PRICKLE1: variants seen among roughly 807,000 people sequenced by gnomAD.
PRICKLE1 encodes prickle-like protein 1.
A neutral mutation model predicts 70.2 loss-of-function variants in PRICKLE1; 14 were observed. The ratio of observed to expected loss-of-function variants is 0.20; its 90% confidence interval spans 0.13 to 0.31. PRICKLE1 has a LOEUF of 0.31. PRICKLE1 is among the 10% of genes least tolerant of loss of function. PRICKLE1 has a pLI of 1.00. For synonymous variants in PRICKLE1, 357 were observed against 379.9 expected (o/e 0.94, Z 0.70); for missense variants, 821 against 1,026.2 (o/e 0.80, Z 2.73).
At chr12:42,472,255 G>T in intron 2 of PRICKLE1, 130 bp downstream of exon 2, 2 of 1,056,248 alleles carry the variant, frequency 1.9e-6, no homozygotes, top group Non-Finnish European at 2.8e-6. Flanking sequence ...GCCATACAAA[G>T]AAGAATAAGG....
intron 1 of PRICKLE1, among the ~76,000 whole-genome samples, chr12:42,514,542 T>C (rs1450794865): frequency 6.6e-6 from 1 of 152,198 alleles, no homozygotes; most frequent in Non-Finnish European, 1.5e-5. Context: ...CTTGGGAAAC[T>C]CAAAGGCTGA....
chr12:42,477,955 C>CTT (rs35905569), intron 1 of PRICKLE1, among the ~76,000 whole-genome samples: 4 of 133,134 alleles, frequency 3.0e-5, no homozygotes, highest in Non-Finnish European at 3.3e-5. Flanking sequence ...CTGCCCTATA[C>CTT]TTTTTTTTTT....
At chr12:42,534,188 G>C (rs950445851) in intron 1 of PRICKLE1, among the ~76,000 whole-genome samples, 11 of 152,190 alleles carry the variant, frequency 7.2e-5, no homozygotes, top group African/African-American at 9.6e-5. Flanking sequence ...GAAAAGAGCA[G>C]ATCCGGATGC....
intron 1 of PRICKLE1, among the ~76,000 whole-genome samples, chr12:42,490,826 A>G (rs1476293362): frequency 6.6e-6 from 1 of 152,118 alleles, no homozygotes; most frequent in Non-Finnish European, 1.5e-5. Flanking sequence ...CCCATGGGAG[A>G]CACAGTAACT....
intron 1 of PRICKLE1, among the ~76,000 whole-genome samples, chr12:42,495,278 C>T (rs1316307201): frequency 6.7e-6 from 1 of 149,948 alleles, no homozygotes; most frequent in African/African-American, 2.5e-5. Context: ...CCCAGCTACT[C>T]GGGAGGCTGA....
At chr12:42,500,984 T>C (rs1939296183) in intron 1 of PRICKLE1, among the ~76,000 whole-genome samples, 2 of 152,256 alleles carry the variant, frequency 1.3e-5, no homozygotes, top group South Asian at 4.1e-4. Flanking sequence ...ACTTATCAGC[T>C]TTTCTTTCAA....
chr12:42,551,234 C>T (rs190069429), intron 1 of PRICKLE1, among the ~76,000 whole-genome samples: 1 of 152,278 alleles, frequency 6.6e-6, no homozygotes, highest in Non-Finnish European at 1.5e-5. Context: ...TATAATTGTA[C>T]AGATGGTTGT....
chr12:42,509,623 T>A (rs1034809809), intron 1 of PRICKLE1, among the ~76,000 whole-genome samples: 2 of 152,162 alleles, frequency 1.3e-5, no homozygotes, highest in South Asian at 4.1e-4. Context: ...GTTGAGTACC[T>A]GAATGACTGA....
rs538723603 is a variant in PRICKLE1, at chr12:42,552,586, C to CA, written c.-49+36878dup. Among the ~76,000 whole-genome samples, 803 of 152,302 alleles carry CA rather than the reference C, an allele frequency of 5.3e-3. 4 individuals are homozygous for CA. The highest frequency in any genetic ancestry group is 8.8e-3 in the Non-Finnish European group (599 of 68,028). ...TTAGCAATAAAGTCTCAGGAATCAC[C>CA]AATGGGGGTCCCATCGTCAGAAGGA... On this transcript the variant is annotated intron_variant, in intron 1 of 7. Transcript: ENST00000345127.
intron 1 of PRICKLE1, among the ~76,000 whole-genome samples, chr12:42,548,874 A>G (rs985167541): frequency 4.6e-5 from 7 of 152,050 alleles, no homozygotes; most frequent in African/African-American, 1.7e-4. Flanking sequence ...TAATCCCAGC[A>G]CTCTGGGAGG....
chr12:42,548,290 A>G (rs897137929), intron 1 of PRICKLE1, among the ~76,000 whole-genome samples: 3 of 152,198 alleles, frequency 2.0e-5, no homozygotes, highest in Non-Finnish European at 2.9e-5. Flanking sequence ...AAAGTTTCAG[A>G]TTTTGGAGCA....
intron 1 of PRICKLE1, among the ~76,000 whole-genome samples, chr12:42,530,142 C>T (rs1029757525): frequency 2.0e-5 from 3 of 152,044 alleles, no homozygotes; most frequent in Admixed American, 2.0e-4. Context: ...CGGGGTTTCA[C>T]CATGTTGGCC....
chr12:42,499,922 A>AT (rs1223148659), intron 1 of PRICKLE1, among the ~76,000 whole-genome samples: 3 of 135,800 alleles, frequency 2.2e-5, no homozygotes, highest in African/African-American at 5.5e-5. Context: ...TCTTATTTTT[A>AT]TTTTTTTTAG....
intron 1 of PRICKLE1, among the ~76,000 whole-genome samples, chr12:42,560,136 T>TG (rs1940485664): frequency 6.8e-6 from 1 of 146,870 alleles, no homozygotes; most frequent in South Asian, 2.2e-4. Context: ...TTATTATTAT[T>TG]ATTATTATTA....
At chr12:42,519,845 T>C (rs1000023848) in intron 1 of PRICKLE1, among the ~76,000 whole-genome samples, 2 of 152,182 alleles carry the variant, frequency 1.3e-5, no homozygotes, top group African/African-American at 4.8e-5. Flanking sequence ...TCTCATTCTG[T>C]AGCCCAGGCT....
intron 1 of PRICKLE1, among the ~76,000 whole-genome samples, chr12:42,528,375 G>A (rs563407729): frequency 2.8e-4 from 43 of 152,098 alleles, no homozygotes; most frequent in African/African-American, 9.2e-4. Context: ...AGCCCAGCCC[G>A]AAAAACTAAC....
chr12:42,459,430 C>CATAATA lies in PRICKLE1; in HGVS notation c.*378_*379insTATTAT. On this transcript the variant is annotated 3_prime_UTR_variant, in exon 8 of 8. Transcript: ENST00000345127. The stretch of plus-strand genomic sequence containing the variant: ...TCAAGACCTGAGCCGACCTGACTTA[C>CATAATA]ATAAATGACAAACACTAGTGCTTTA... 1.4e-6 allele frequency: 1 copy of CATAATA among 694,646 alleles called. No individual in the cohort carries two copies. The highest frequency in any genetic ancestry group is 1.5e-5 in the South Asian group (1 of 66,364). 43.0% of individuals were successfully genotyped at this position (694,646 alleles called of 1,614,324 possible).
chr12:42,584,062 A>G (rs1043568654), intron 1 of PRICKLE1, among the ~76,000 whole-genome samples: 15 of 152,346 alleles, frequency 9.8e-5, no homozygotes, highest in African/African-American at 3.6e-4. Context: ...AAAAGGGTTC[A>G]GTGTTCAGAG....
intron 1 of PRICKLE1, among the ~76,000 whole-genome samples, chr12:42,478,861 C>T (rs969181197): frequency 3.3e-5 from 5 of 152,062 alleles, no homozygotes; most frequent in Non-Finnish European, 5.9e-5. Flanking sequence ...TATTTCTCAT[C>T]ATTAAAAACA....
Sources: gnomAD v4.1 joint callset for allele counts (sites outside exome capture counted in the v4.1 genomes callset) on GRCh38, gnomAD v4.1.1 for gene constraint, MANE v1.5 for transcripts, NCBI Gene and HGNC (gene_info 2026-07-23, HGNC 2026-07-21) for gene names.